Variants in ITGA4 observed in about 807,000 individuals in gnomAD.
ITGA4 encodes the protein integrin subunit alpha 4, also known as integrin alpha-4.
Under a neutral mutation model 133.6 loss-of-function variants are expected in ITGA4, and 63 were observed. The observed-to-expected ratio is 0.47, with a 90% CI of 0.38 to 0.58. The LOEUF (loss-of-function observed/expected upper bound fraction) is 0.58. Ranked by LOEUF, ITGA4 falls within the 20% of genes least tolerant of loss-of-function variation. The pLI is 0.00. For synonymous variants in ITGA4, 483 were observed against 438.0 expected, an observed-to-expected ratio of 1.10 and a Z score of -1.28; for missense variants, 1,076 against 1,252.7, an observed-to-expected ratio of 0.86 and a Z score of 2.13.
rs896331353 is a variant in ITGA4, at chr2:181,492,546, C to A, written c.1154-779C>A. On this transcript the variant is annotated intron_variant, in intron 10 of 27. Transcript: ENST00000397033. Reference sequence around the variant, plus strand: ...TTGGTAAAATAATGAAATGCTCTTGCAACTGTAGAATATTATTTTTCTCCT... The same window carrying A: ...TTGGTAAAATAATGAAATGCTCTTGAAACTGTAGAATATTATTTTTCTCCT... Among the ~76,000 whole-genome samples, 8 of 47,656 alleles carry A rather than the reference C, an allele frequency of 1.7e-4. 1 individual carries two copies. The highest frequency in any genetic ancestry group is 1.2e-3 in the Admixed American group (6 of 5,198). 31.3% of individuals were successfully genotyped at this position (47,656 alleles called of 152,430 possible).
Position 181,527,372 on chromosome 2 carries a change from GAACTT to G in ITGA4, c.2421_2425del (p.Leu807PhefsTer9). 1 of 1,607,350 alleles carries G rather than the reference GAACTT, an allele frequency of 6.2e-7. No individual in the cohort carries two copies. The highest frequency in any genetic ancestry group is 8.5e-7 in the Non-Finnish European group (1 of 1,174,058). On this transcript the variant is annotated frameshift_variant, in exon 22 of 28. Transcript: ENST00000397033. LOFTEE classifies it high-confidence loss of function. ...CTGAAACGTGCATGGTGGAGAAAAT[GAACTT>G]AACTTTCCATGTAAGAAAAGTTAAT...
intron 10 of ITGA4, chr2:181,486,445 T>G (rs79965377): frequency 0.15 from 22,817 of 152,936 alleles, 1,998 homozygotes; most frequent in Middle Eastern, 0.23. Flanking sequence ...GCTGCAGAGC[T>G]GGAGCAGGGT....
rs1240130784 is a variant in ITGA4 at position 181,537,955 on chromosome 2, A to ATGGTGAACTGGTATGTGAGGGATCT, written c.*2429_*2453dup. On this transcript the variant is annotated 3_prime_UTR_variant, in exon 28 of 28. Transcript: ENST00000397033. Reference sequence around the variant, plus strand: ...AGATTCTCATAGAAGTGCGAACCATATGGTGAACTGGTATGTGAGGGATCT... The same window carrying ATGGTGAACTGGTATGTGAGGGATCT: ...AGATTCTCATAGAAGTGCGAACCATATGGTGAACTGGTATGTGAGGGATCTTGGTGAACTGGTATGTGAGGGATCT... 1 of 636,946 alleles carries ATGGTGAACTGGTATGTGAGGGATCT rather than the reference A, an allele frequency of 1.6e-6. No homozygotes were observed. Among genetic ancestry groups the ATGGTGAACTGGTATGTGAGGGATCT allele is most frequent in the South Asian group, 1.5e-5 (1 of 66,012 alleles). The allele number at this position is 636,946 out of a possible 1,614,324, so 39.5% of individuals were successfully genotyped here.
rs1481893762 is a variant in ITGA4 at position 181,523,407 on chromosome 2, C to A, written c.2074-30C>A. ...TACAAACTTTTTATTTCCTTCCTGT[C>A]CAAAACAGTTGTTTCATTTTTCCCA... On this transcript the variant is annotated intron_variant, in intron 18 of 27. Coordinates refer to ENST00000397033, the MANE Select transcript of ITGA4 (RefSeq NM_000885.6). The surrounding 1 kb of genome is among the most constrained non-coding windows in gnomAD (Gnocchi z 4.2). The A allele has an allele frequency of 3.1e-6, 4 of 1,310,834 alleles. No individual in the cohort carries two copies. In the African/African-American group the frequency reaches 4.4e-5, roughly 14 times the overall value. 81.2% of individuals were successfully genotyped at this position (1,310,834 alleles called of 1,614,324 possible).
intron 10 of ITGA4, among the ~76,000 whole-genome samples, chr2:181,489,601 T>G (rs531769720): frequency 6.6e-6 from 1 of 152,340 alleles, no homozygotes; most frequent in East Asian, 1.9e-4. Context: ...CAAGCTGTAC[T>G]ATTATTTTGT....
In ITGA4 at chr2:181,515,411, A is replaced by C. The variant is rs187994900; in HGVS notation, c.1922+3636A>C. 3.6e-4 allele frequency among the ~76,000 whole-genome samples: 55 copies of C among 152,222 alleles called. No individual in the cohort carries two copies. The East Asian group carries it at 7.9e-3, about 22-fold the overall frequency. ...AGTCATTACTATTTCTATTTTTGAA[A>C]TATTATGGTTGGAATTTCTATAGAT... On this transcript the variant is annotated intron_variant, in intron 17 of 27. Transcript: ENST00000397033.
intron 4 of ITGA4, among the ~76,000 whole-genome samples, chr2:181,478,080 A>G (rs1237570325): frequency 6.6e-6 from 1 of 152,126 alleles, no homozygotes; most frequent in African/African-American, 2.4e-5. Context: ...GACAACATGG[A>G]TGACCCCGAA....
rs1199468492 is a variant in ITGA4, at chr2:181,537,954, T to C, written c.*2427T>C. 23 of 635,526 alleles carry C rather than the reference T, an allele frequency of 3.6e-5. No individual in the cohort carries two copies. The highest frequency in any genetic ancestry group is 5.9e-5 in the Non-Finnish European group (20 of 339,310). 39.4% of individuals were successfully genotyped at this position (635,526 alleles called of 1,614,324 possible). A position where few individuals can be genotyped will look rare whatever the true frequency, so the allele number is the denominator to read the frequency against. ...TAGATTCTCATAGAAGTGCGAACCA[T>C]ATGGTGAACTGGTATGTGAGGGATC... On this transcript the variant is annotated 3_prime_UTR_variant, in exon 28 of 28. Transcript: ENST00000397033.
In ITGA4 at chr2:181,475,116, G is replaced by T. The variant is rs180755677; in HGVS notation, c.427-43G>T. 56 of 1,613,250 alleles carry T rather than the reference G, an allele frequency of 3.5e-5. No individual in the cohort carries two copies. In the African/African-American group the frequency reaches 7.1e-4, roughly 20 times the overall value. On this transcript the variant is annotated intron_variant, in intron 3 of 27. Transcript: ENST00000397033. ...ATCCATCGTGAAATCAGCTATCCTG[G>T]GTGCAGCTTTCACATCATTTGGTCT...
chr2:181,531,575 A>G, intron 24 of ITGA4, 82 bp from the exon 25 acceptor site: 1 of 636,008 alleles, frequency 1.6e-6, no homozygotes. Context: ...ATTAGAGTAT[A>G]TATTAAATTC....
intron 2 of ITGA4, among the ~76,000 whole-genome samples, chr2:181,468,258 T>C (rs776611765): frequency 6.6e-6 from 1 of 152,194 alleles, no homozygotes; most frequent in Non-Finnish European, 1.5e-5. Context: ...GACCATCTGT[T>C]ACTGTCTTAA....
intron 17 of ITGA4, among the ~76,000 whole-genome samples, chr2:181,519,965 T>G (rs2105763382): frequency 6.6e-6 from 1 of 152,254 alleles, no homozygotes; most frequent in South Asian, 2.1e-4. Flanking sequence ...CCTGCTTATA[T>G]TTTTTGAAGA....
At position 181,527,310 on chromosome 2, in the gene ITGA4, A is replaced by G. The variant is rs201392381; in HGVS notation, c.2353A>G (p.Thr785Ala). The G allele has an allele frequency of 3.1e-6, 5 of 1,609,374 alleles. No homozygotes were observed. In the South Asian group the frequency reaches 4.4e-5, roughly 14 times the overall value. Reference protein sequence around the residue: ...KLTVHGFVNPTSFVYGSNDEN... With the variant: ...KLTVHGFVNPASFVYGSNDEN... ...TGTTTTTACCAGGTTTGTAAACCCAACTTCATTTGTGTATGGATCAAATGA... is the reference window on the plus strand; with the variant it reads ...TGTTTTTACCAGGTTTGTAAACCCAGCTTCATTTGTGTATGGATCAAATGA... Residue 785 changes from threonine (T) to alanine (A), a missense_variant, in exon 22 of 28, where the codon ACT becomes GCT. Around this residue, in one of 4 missense-constraint regions of ITGA4, gnomAD observed 365 missense variants for 421.4 expected, o/e 0.87. Transcript: ENST00000397033.
chr2:181,487,540 C>T (rs1233241386), intron 10 of ITGA4, among the ~76,000 whole-genome samples: 3 of 152,156 alleles, frequency 2.0e-5, no homozygotes, highest in Non-Finnish European at 4.4e-5. Flanking sequence ...GATAACTGAT[C>T]TCTCCATTCA....
intron 10 of ITGA4, among the ~76,000 whole-genome samples, chr2:181,490,662 G>T (rs889884604): frequency 2.6e-5 from 4 of 152,026 alleles, no homozygotes; most frequent in African/African-American, 7.2e-5. Flanking sequence ...AGGCTGCAGG[G>T]TTTAAATCCC....
In ITGA4 at chr2:181,457,760, G is replaced by C. The variant is rs1417368800; in HGVS notation, c.106G>C (p.Val36Leu). The change falls in exon 1 of 28, where the codon GTG becomes CTG. Residue 36 changes from valine to leucine, a missense_variant. By Grantham distance (32) the Val-to-Leu change is conservative. Transcript: ENST00000397033. ...LGVPTGRPYN[V>L]DTESALLYQG... ...GGTCCCGACCGGCCGCCCCTACAAC[G>C]TGGACACTGAGAGCGCGCTGCTTTA... 6.2e-6 allele frequency: 10 copies of C among 1,613,490 alleles called. No homozygotes were observed. Among genetic ancestry groups the C allele is most frequent in the Non-Finnish European group, 7.6e-6 (9 of 1,179,976 alleles).
At chr2:181,489,943 G>A (rs1006038649) in intron 10 of ITGA4, among the ~76,000 whole-genome samples, 3 of 152,096 alleles carry the variant, frequency 2.0e-5, no homozygotes, top group Non-Finnish European at 2.9e-5. Flanking sequence ...CTCAAGAGCC[G>A]AGCTCCCCAA....
intron 15 of ITGA4, among the ~76,000 whole-genome samples, chr2:181,508,970 C>T (rs919325070): frequency 3.4e-4 from 51 of 150,408 alleles, no homozygotes; most frequent in African/African-American, 1.2e-3. Flanking sequence ...TTGAAAGACC[C>T]TGTCTCTATA....
At chr2:181,491,877 C>T (rs1686055573) in intron 10 of ITGA4, among the ~76,000 whole-genome samples, 1 of 152,238 alleles carries the variant, frequency 6.6e-6, no homozygotes, top group Non-Finnish European at 1.5e-5. Context: ...ATGTGCCATG[C>T]TGCCTATTGC....
Sources: gnomAD v4.1 joint callset for allele counts (sites outside exome capture counted in the v4.1 genomes callset) on GRCh38, gnomAD v4.1.1 for gene constraint, gnomAD v4.1.1 regional missense constraint, Gnocchi (gnomAD v3.1) non-coding constraint, MANE v1.5 for transcripts, NCBI Gene and HGNC (gene_info 2026-07-23, HGNC 2026-07-21) for gene names.